Variants in SNX29 observed in about 807,000 individuals in gnomAD.
SNX29 encodes the protein sorting nexin-29.
SNX29 carries 78 observed loss-of-function variants against 102.1 expected under a neutral mutation model. The ratio of observed to expected loss-of-function variants is 0.76; its 90% CI spans 0.64 to 0.92. The LOEUF (loss-of-function observed/expected upper bound fraction) is 0.92. SNX29 is among the 40% of genes least tolerant of loss of function. The pLI is 0.00. For synonymous variants in SNX29, 580 were observed against 414.5 expected, an observed-to-expected ratio of 1.40 and a Z score of -4.85; for missense variants, 1,280 against 1,061.7, an observed-to-expected ratio of 1.21 and a Z score of -2.86.
At chr16:12,537,608 G>T (rs1042077205) in intron 20 of SNX29, among the ~76,000 whole-genome samples, 1 of 152,142 alleles carries the variant, frequency 6.6e-6, no homozygotes, top group Non-Finnish European at 1.5e-5. Flanking sequence ...TCTCACTTCA[G>T]TCCCAAAATG....
At chr16:12,163,367 A>G (rs1405101665) in intron 13 of SNX29, among the ~76,000 whole-genome samples, 1 of 152,068 alleles carries the variant, frequency 6.6e-6, no homozygotes, top group East Asian at 1.9e-4. Flanking sequence ...CTTTACGAGA[A>G]GCTTGAGAGG....
chr16:12,235,300 G>A (rs562502145), intron 14 of SNX29, among the ~76,000 whole-genome samples: 1 of 152,224 alleles, frequency 6.6e-6, no homozygotes, highest in East Asian at 1.9e-4. Context: ...AGAAGTCAGA[G>A]ACCAGCTGGC....
intron 11 of SNX29, among the ~76,000 whole-genome samples, chr16:12,124,040 T>A (rs547080444): frequency 6.6e-6 from 1 of 152,218 alleles, no homozygotes; most frequent in South Asian, 2.1e-4. Context: ...GGACATGATA[T>A]TCAAAGGTAG....
intron 20 of SNX29, among the ~76,000 whole-genome samples, chr16:12,532,520 TTAAGAA>T (rs1189338117): frequency 6.6e-6 from 1 of 152,244 alleles, no homozygotes; most frequent in Admixed American, 6.5e-5. Flanking sequence ...TAGTAATAGT[TTAAGAA>T]TAACTTATGA....
chr16:12,286,881 G>C (rs114097466), intron 15 of SNX29, among the ~76,000 whole-genome samples: 9 of 152,050 alleles, frequency 5.9e-5, no homozygotes, highest in African/African-American at 1.9e-4. Context: ...ATCTTTAAAA[G>C]ATAAGAGGTC....
chr16:12,078,888 G>C lies in SNX29; in HGVS notation c.1375G>C (p.Ala459Pro). The C allele has an allele frequency of 1.9e-6, 3 of 1,605,752 alleles. No individual in the cohort carries two copies. The highest frequency in any genetic ancestry group is 2.6e-6 in the Non-Finnish European group (3 of 1,176,338). ...TCCTCTGAGCAGCCTGTTACCTTCTGCCTCAGTGCCAGAGTCCATGACAAT... is the reference window on the plus strand; with the variant it reads ...TCCTCTGAGCAGCCTGTTACCTTCTCCCTCAGTGCCAGAGTCCATGACAAT... ...GSPLSSLLPS[A>P]SVPESMTISE... is the part of the protein sequence containing the mutation. The change falls in exon 11 of 21, where the codon GCC becomes CCC. Residue 459 changes from alanine (A) to proline (P), a missense_variant. Transcript: ENST00000566228.
chr16:12,163,536 C>CGAG (rs2055883851), intron 13 of SNX29, among the ~76,000 whole-genome samples: 1 of 152,060 alleles, frequency 6.6e-6, no homozygotes, highest in African/African-American at 2.4e-5. Flanking sequence ...GATGCAGCAC[C>CGAG]GATGAATTCA....
intron 18 of SNX29, among the ~76,000 whole-genome samples, chr16:12,405,119 G>A (rs201157452): frequency 3.3e-5 from 5 of 152,204 alleles, no homozygotes; most frequent in African/African-American, 1.2e-4. Context: ...GACCCTTCAA[G>A]TTCTGCATTG....
chr16:12,061,622 G>T lies in SNX29; in HGVS notation c.1219G>T (p.Gly407Cys), dbSNP rs764668964. 1.3e-5 allele frequency: 21 copies of T among 1,611,900 alleles called. No individual in the cohort carries two copies. The South Asian group carries it at 2.3e-4, about 18-fold the overall frequency. ...CTCCGACATCCTCTTCCCTGTCAGT[G>T]GCGTGGGCTCCTACAGCCCAGCAGG... ...NDSDILFPVS[G>C]VGSYSPADAP... Residue 407 changes from glycine (G) to cysteine (C), a missense_variant, in exon 9 of 21, where the codon GGC becomes TGC. By Grantham distance (159) the Gly-to-Cys change is radical (BLOSUM62 -3). Coordinates refer to ENST00000566228, the MANE Select transcript of SNX29 (RefSeq NM_032167.5).
intron 13 of SNX29, among the ~76,000 whole-genome samples, chr16:12,172,963 C>G (rs1319689113): frequency 6.6e-6 from 1 of 152,274 alleles, no homozygotes; most frequent in South Asian, 2.1e-4. Flanking sequence ...GGAGATGAAT[C>G]TACATTTAAA....
chr16:12,023,995 G>A (rs550987363), intron 3 of SNX29, among the ~76,000 whole-genome samples: 1 of 152,136 alleles, frequency 6.6e-6, no homozygotes, highest in African/African-American at 2.4e-5. Context: ...CTAAGTGCAC[G>A]GGAGCTCACA....
chr16:12,445,457 G>A (rs147888558), intron 18 of SNX29, among the ~76,000 whole-genome samples: 1 of 152,334 alleles, frequency 6.6e-6, no homozygotes, highest in African/African-American at 2.4e-5. Flanking sequence ...GGGGCTCCCT[G>A]AGGGTAGGGC....
At chr16:12,530,086 C>G (rs145404603) in intron 20 of SNX29, among the ~76,000 whole-genome samples, 4 of 152,390 alleles carry the variant, frequency 2.6e-5, no homozygotes, top group African/African-American at 9.6e-5. Flanking sequence ...CTCCCTCTTG[C>G]TTTTCCCCTT....
chr16:12,200,205 G>C (rs750655857), intron 14 of SNX29, among the ~76,000 whole-genome samples: 47 of 152,216 alleles, frequency 3.1e-4, no homozygotes, highest in Admixed American at 3.3e-4. Flanking sequence ...GCCTACCATA[G>C]AATAAATGCT....
intron 11 of SNX29, among the ~76,000 whole-genome samples, chr16:12,107,387 C>T (rs944799172): frequency 2.7e-5 from 4 of 148,572 alleles, no homozygotes; most frequent in African/African-American, 1.0e-4. Context: ...GAATTTAAGA[C>T]CTGGTGCGGT....
intron 18 of SNX29, among the ~76,000 whole-genome samples, chr16:12,451,872 TAAAC>T (rs1022638025): frequency 1.2e-4 from 19 of 152,116 alleles, no homozygotes; most frequent in Admixed American, 3.3e-4. Flanking sequence ...TAAAAATAAA[TAAAC>T]AAACAGATGG....
intron 20 of SNX29, among the ~76,000 whole-genome samples, chr16:12,568,057 C>T (rs980521427): frequency 6.6e-6 from 1 of 152,162 alleles, no homozygotes. Flanking sequence ...TGATTATTTT[C>T]TTAGGATTAA....
Position 12,561,564 on chromosome 16 carries a change from A to C in SNX29, c.2319-6942A>C, listed in dbSNP as rs368747943. ...AGCCATTTTCACTGATGAGCAGTTG[A>C]GGCTGTCCGATTAATGTCAGCCGCA... On this transcript the variant is annotated intron_variant, in intron 20 of 20. Transcript: ENST00000566228. 3.3e-5 allele frequency among the ~76,000 whole-genome samples: 5 copies of C among 152,142 alleles called. 1 individual carries two copies. The South Asian group carries it at 1.0e-3, about 32-fold the overall frequency.
chr16:12,470,808 A>C (rs1457515198), intron 18 of SNX29, among the ~76,000 whole-genome samples: 2 of 152,210 alleles, frequency 1.3e-5, no homozygotes, highest in Non-Finnish European at 2.9e-5. Context: ...AAGTTCATAT[A>C]CACAAAGGCA....
Sources: gnomAD v4.1 joint callset for allele counts (sites outside exome capture counted in the v4.1 genomes callset) on GRCh38, gnomAD v4.1.1 for gene constraint, MANE v1.5 for transcripts, NCBI Gene and HGNC (gene_info 2026-07-23, HGNC 2026-07-21) for gene names.